Variants in PTPRO observed in about 807,000 individuals in gnomAD.
The protein encoded by PTPRO is receptor-type tyrosine-protein phosphatase O.
A neutral mutation model predicts 145.2 loss-of-function variants in PTPRO; 62 were observed. The observed-to-expected ratio is 0.43, with a 90% CI of 0.35 to 0.53. The LOEUF is 0.53. PTPRO is among the 20% of genes least tolerant of loss of function. PTPRO has a pLI of 0.01. For missense variants in PTPRO, 1,345 were observed against 1,482.7 expected, an observed-to-expected ratio of 0.91 and a Z score of 1.53; for synonymous variants, 565 against 514.7, an observed-to-expected ratio of 1.10 and a Z score of -1.32.
intron 1 of PTPRO, among the ~76,000 whole-genome samples, chr12:15,435,513 G>A (rs1180961366): frequency 6.6e-6 from 1 of 151,376 alleles, no homozygotes; most frequent in Non-Finnish European, 1.5e-5. Flanking sequence ...TGGCATTTGG[G>A]CTAAGGTTGG....
chr12:15,485,221 A>G (rs1450762207), intron 2 of PTPRO, among the ~76,000 whole-genome samples: 2 of 152,124 alleles, frequency 1.3e-5, no homozygotes, highest in Admixed American at 6.6e-5. Flanking sequence ...AAAATTAATT[A>G]AAGTCTCCAT....
intron 1 of PTPRO, among the ~76,000 whole-genome samples, chr12:15,365,183 C>A (rs1000868396): frequency 6.6e-6 from 1 of 152,096 alleles, no homozygotes; most frequent in African/African-American, 2.4e-5. Context: ...CAGTGGAGGT[C>A]CTTAGGAACC....
intron 1 of PTPRO, among the ~76,000 whole-genome samples, chr12:15,394,650 G>C (rs1014127357): frequency 6.6e-6 from 1 of 152,140 alleles, no homozygotes; most frequent in Admixed American, 6.5e-5. Flanking sequence ...CATGCAGTAC[G>C]ATTTCTGATT....
intron 1 of PTPRO, among the ~76,000 whole-genome samples, chr12:15,466,588 A>C (rs1336266556): frequency 6.6e-6 from 1 of 152,204 alleles, no homozygotes; most frequent in Non-Finnish European, 1.5e-5. Context: ...ATCAAAATTA[A>C]GCACATAGTG....
intron 1 of PTPRO, among the ~76,000 whole-genome samples, chr12:15,479,007 T>C (rs1376055083): frequency 6.6e-6 from 1 of 152,152 alleles, no homozygotes; most frequent in African/African-American, 2.4e-5. Context: ...ACTCTTCTCA[T>C]CTTCACTCTT....
At chr12:15,542,668 G>A (rs183732263) in intron 12 of PTPRO, among the ~76,000 whole-genome samples, 16 of 152,182 alleles carry the variant, frequency 1.1e-4, no homozygotes, top group African/African-American at 3.9e-4. Context: ...AAAGAAACAG[G>A]TAAAATTGAA....
intron 1 of PTPRO, among the ~76,000 whole-genome samples, chr12:15,430,081 C>T (rs1940391743): frequency 6.6e-6 from 1 of 151,782 alleles, no homozygotes. Context: ...GTAGGCATTT[C>T]AGATAGGAAG....
chr12:15,545,644 GATTT>G (rs981528327), intron 12 of PTPRO, among the ~76,000 whole-genome samples: 6 of 151,938 alleles, frequency 3.9e-5, no homozygotes, highest in African/African-American at 1.2e-4. Context: ...TTTACGAATG[GATTT>G]ATTTATTATT....
At chr12:15,359,672 C>G (rs976044770) in intron 1 of PTPRO, among the ~76,000 whole-genome samples, 1 of 152,108 alleles carries the variant, frequency 6.6e-6, no homozygotes, top group Non-Finnish European at 1.5e-5. Flanking sequence ...AAGTGATCCA[C>G]CTGCCTGGGC....
intron 1 of PTPRO, among the ~76,000 whole-genome samples, chr12:15,476,255 C>T (rs975030113): frequency 4.6e-5 from 7 of 151,936 alleles, no homozygotes; most frequent in Admixed American, 1.3e-4. Context: ...TGAGGCCAAC[C>T]GACATATTAC....
intron 1 of PTPRO, among the ~76,000 whole-genome samples, chr12:15,344,022 A>G (rs1254003792): frequency 6.6e-6 from 1 of 152,240 alleles, no homozygotes; most frequent in Non-Finnish European, 1.5e-5. Context: ...TTCATTCTTT[A>G]TAGAAACATA....
chr12:15,502,192 G>A (rs1315014143), intron 5 of PTPRO, 129 bp downstream of exon 5: 22 of 946,820 alleles, frequency 2.3e-5, no homozygotes, highest in Non-Finnish European at 3.3e-5. Flanking sequence ...GTAATGAAAG[G>A]GGAGAATTTA....
intron 1 of PTPRO, among the ~76,000 whole-genome samples, chr12:15,423,524 C>T (rs1050203308): frequency 6.6e-6 from 1 of 151,742 alleles, no homozygotes; most frequent in Non-Finnish European, 1.5e-5. Context: ...AAGTTCTATG[C>T]ACTTACATAT....
intron 1 of PTPRO, among the ~76,000 whole-genome samples, chr12:15,379,253 C>T (rs776354898): frequency 6.6e-6 from 1 of 151,918 alleles, no homozygotes; most frequent in Admixed American, 6.6e-5. Flanking sequence ...GGTGCGCTGG[C>T]TCATGCCTGT....
intron 6 of PTPRO, among the ~76,000 whole-genome samples, 196 bp from the exon 7 acceptor site, chr12:15,508,375 G>C (rs147834967): frequency 2.0e-3 from 297 of 152,304 alleles, no homozygotes; most frequent in African/African-American, 6.8e-3. Flanking sequence ...CGAGGCTGCT[G>C]TTTAGATCAA....
At chr12:15,478,734 C>T (rs751453117) in intron 1 of PTPRO, among the ~76,000 whole-genome samples, 1 of 152,000 alleles carries the variant, frequency 6.6e-6, no homozygotes, top group Non-Finnish European at 1.5e-5. Flanking sequence ...TGCAGTGGCG[C>T]GATATCGGCT....
Position 15,463,972 on chromosome 12 carries a change from T to C in PTPRO, c.76-20002T>C, listed in dbSNP as rs191669079. ...TTAATTTTACAGATATTTCTCAAGTTCCAAACAGTAAAGTACTATGCTGTA... is the reference window on the plus strand; with the variant it reads ...TTAATTTTACAGATATTTCTCAAGTCCCAAACAGTAAAGTACTATGCTGTA... On this transcript the variant is annotated intron_variant, in intron 1 of 26. Transcript: ENST00000281171. Among the ~76,000 whole-genome samples the C allele has an allele frequency of 2.6e-4, 39 of 152,314 alleles. No homozygotes were observed. The East Asian group carries it at 6.7e-3, about 26-fold the overall frequency.
intron 1 of PTPRO, among the ~76,000 whole-genome samples, chr12:15,414,630 T>C (rs373626189): frequency 6.6e-6 from 1 of 152,168 alleles, no homozygotes; most frequent in African/African-American, 2.4e-5. Context: ...TCTGACAGTA[T>C]TTATTTTAAA....
At chr12:15,333,663 G>C (rs960068483) in intron 1 of PTPRO, among the ~76,000 whole-genome samples, 5 of 152,212 alleles carry the variant, frequency 3.3e-5, no homozygotes, top group African/African-American at 1.2e-4. Context: ...GCGCCACTGA[G>C]TCGGGCTGGG....
Sources: gnomAD v4.1 joint callset for allele counts (sites outside exome capture counted in the v4.1 genomes callset) on GRCh38, gnomAD v4.1.1 for gene constraint, MANE v1.5 for transcripts, NCBI Gene and HGNC (gene_info 2026-07-23, HGNC 2026-07-21) for gene names.